The following HACD4 variants were observed in gnomAD, a reference collection of about 807,000 sequenced individuals.
HACD4 encodes 3-hydroxyacyl-CoA dehydratase 4.
A neutral mutation model predicts 33.3 loss-of-function variants in HACD4; 35 were observed. The ratio of observed to expected loss-of-function variants is 1.05; its 90% CI spans 0.80 to 1.39. The LOEUF (loss-of-function observed/expected upper bound fraction) is 1.39. HACD4 is among the 40% of genes most tolerant of loss of function. The probability of loss-of-function intolerance (pLI) is 0.00; values close to 1 mark genes in which losing one functional copy is unlikely to be tolerated. For synonymous variants in HACD4, 118 were observed against 98.0 expected, an observed-to-expected ratio of 1.20 and a Z score of -1.21; for missense variants, 323 against 276.5, an observed-to-expected ratio of 1.17 and a Z score of -1.19.
At chr9:21,026,996 C>A (rs546584406) in intron 2 of HACD4, among the ~76,000 whole-genome samples, 1 of 152,256 alleles carries the variant, frequency 6.6e-6, no homozygotes, top group East Asian at 1.9e-4. Context: ...GCATTTATTC[C>A]CCACTTATAA....
intron 3 of HACD4, 125 bp from the exon 4 acceptor site, chr9:21,016,135 G>A (rs1363486813): frequency 5.2e-6 from 3 of 576,334 alleles, no homozygotes; most frequent in Non-Finnish European, 9.2e-6. Flanking sequence ...ATACTAAACT[G>A]TTAACAATGC....
intron 3 of HACD4, among the ~76,000 whole-genome samples, chr9:21,020,757 T>A (rs1225797403): frequency 6.6e-6 from 1 of 152,220 alleles, no homozygotes; most frequent in African/African-American, 2.4e-5. Context: ...TATATGATTT[T>A]TATTGTCGTG....
intron 1 of HACD4, 38 bp from the exon 2 acceptor site, chr9:21,029,436 A>G (rs919594805): frequency 3.1e-6 from 4 of 1,277,618 alleles, no homozygotes; most frequent in Non-Finnish European, 4.5e-6. Flanking sequence ...CACTTCTTTT[A>G]TAATCATCCT....
At chr9:21,016,259 T>G (rs1312196825) in intron 3 of HACD4, among the ~76,000 whole-genome samples, 2 of 152,202 alleles carry the variant, frequency 1.3e-5, no homozygotes, top group East Asian at 3.9e-4. Flanking sequence ...AATCAGGATA[T>G]TTCCTTTCTT....
In HACD4 at chr9:21,002,838, C is replaced by G. The variant is rs1218443754; in HGVS notation, c.*4199G>C. 1.3e-5 allele frequency: 2 copies of G among 152,026 alleles called. No individual in the cohort carries two copies. The highest frequency in any genetic ancestry group is 2.9e-5 in the Non-Finnish European group (2 of 67,958). 9.4% of individuals were successfully genotyped at this position (152,026 alleles called of 1,614,324 possible). ...AAAGTAAGCCTTTGTCTACACTGTA[C>G]AAAATGAAATAGGGATTTGGTGAAC... On this transcript the variant is annotated 3_prime_UTR_variant, in exon 7 of 7. Transcript: ENST00000495827.
At chr9:21,011,487 G>A in intron 5 of HACD4, 102 bp downstream of exon 5, 2 of 730,208 alleles carry the variant, frequency 2.7e-6, no homozygotes, top group Non-Finnish European at 4.8e-6. Flanking sequence ...AGTGAGCTAA[G>A]CATTCGCAAA....
chr9:21,017,469 C>A (rs2132783790), intron 3 of HACD4, among the ~76,000 whole-genome samples: 1 of 152,228 alleles, frequency 6.6e-6, no homozygotes, highest in East Asian at 1.9e-4. Flanking sequence ...TTCTACTGAA[C>A]TGCAATTATA....
At chr9:21,031,414 A>T (rs1299345038) in intron 1 of HACD4, 139 bp downstream of exon 1, 1 of 1,306,836 alleles carries the variant, frequency 7.7e-7, no homozygotes, top group Non-Finnish European at 9.7e-7. Flanking sequence ...ATGAGCTCCA[A>T]GGGGTGCCTG....
intron 4 of HACD4, among the ~76,000 whole-genome samples, chr9:21,013,513 T>C (rs930421735): frequency 6.6e-6 from 1 of 152,220 alleles, no homozygotes; most frequent in Non-Finnish European, 1.5e-5. Flanking sequence ...ATATGAGTGT[T>C]AGGGTCAGCT....
At chr9:21,014,054 A>G (rs1456884673) in intron 4 of HACD4, among the ~76,000 whole-genome samples, 2 of 152,162 alleles carry the variant, frequency 1.3e-5, no homozygotes, top group Non-Finnish European at 2.9e-5. Context: ...ATCATTAACT[A>G]TCATGTTAGT....
Position 21,007,029 on chromosome 9 carries a change from G to A in HACD4, c.*8C>T. The A allele has an allele frequency of 6.8e-7, 1 of 1,481,128 alleles. No homozygotes were observed. Among genetic ancestry groups the A allele is most frequent in the South Asian group, 1.1e-5 (1 of 88,272 alleles). 91.7% of individuals were successfully genotyped at this position (1,481,128 alleles called of 1,614,324 possible). A position where few individuals can be genotyped will look rare whatever the true frequency, so the allele number is the denominator to read the frequency against. On this transcript the variant is annotated 3_prime_UTR_variant, in exon 7 of 7. Transcript: ENST00000495827. ...GTCTTTTCTCGTGTCACACTGGAAT[G>A]CTGTACTTCACATCTTCTTTTTTTT...
At position 21,004,488 on chromosome 9, in the gene HACD4, A is replaced by G. The variant is rs1009290221; in HGVS notation, c.*2549T>C. 6.6e-6 allele frequency: 1 copy of G among 152,170 alleles called. No homozygotes were observed. Among genetic ancestry groups the G allele is most frequent in the Admixed American group, 6.5e-5 (1 of 15,268 alleles). The allele number at this position is 152,170 out of a possible 1,614,324, so 9.4% of individuals were successfully genotyped here. On this transcript the variant is annotated 3_prime_UTR_variant, in exon 7 of 7. Coordinates refer to ENST00000495827, the MANE Select transcript of HACD4 (RefSeq NM_001010915.5). The surrounding 1 kb of genome is among the most constrained non-coding windows in gnomAD (Gnocchi z 4.6). The stretch of plus-strand genomic sequence containing the variant: ...TGAAGCTGGAACCTTCATAAATGGG[A>G]TTAGTACCTTTACAATAAGAAATAA...
intron 1 of HACD4, 34 bp downstream of exon 1, chr9:21,031,518 GC>G (rs1217923634): frequency 4.1e-6 from 6 of 1,455,352 alleles, no homozygotes; most frequent in African/African-American, 3.0e-5. Flanking sequence ...CTCCACCCGC[GC>G]CCCCTCCCCT....
chr9:21,015,585 G>A (rs376226157), intron 4 of HACD4: 77 of 202,852 alleles, frequency 3.8e-4, no homozygotes, highest in African/African-American at 1.4e-3. Flanking sequence ...TAAAGCAACC[G>A]TACTAAAGCA....
At chr9:21,018,575 C>G (rs1112165) in intron 3 of HACD4, among the ~76,000 whole-genome samples, 1 of 152,104 alleles carries the variant, frequency 6.6e-6, no homozygotes. Flanking sequence ...TCAGTCTTCT[C>G]TAATATGACC....
intron 3 of HACD4, 137 bp from the exon 4 acceptor site, chr9:21,016,147 T>TCC (rs1182939690): frequency 3.6e-6 from 2 of 556,004 alleles, no homozygotes; most frequent in Non-Finnish European, 3.2e-6. Flanking sequence ...TAACAATGCC[T>TCC]CCCTCTGAGA....
chr9:21,008,268 T>C (rs1423422641), intron 5 of HACD4, 122 bp from the exon 6 acceptor site: 6 of 852,310 alleles, frequency 7.0e-6, no homozygotes, highest in Non-Finnish European at 1.0e-5. Context: ...TAATAGTTGC[T>C]GAATCTTTTT....
At chr9:21,009,211 C>T (rs1246775242) in intron 5 of HACD4, among the ~76,000 whole-genome samples, 2 of 152,128 alleles carry the variant, frequency 1.3e-5, no homozygotes, top group African/African-American at 4.8e-5. Flanking sequence ...TACTTTGGGA[C>T]ATCTAACATA....
intron 1 of HACD4, among the ~76,000 whole-genome samples, chr9:21,030,667 G>T (rs917311827): frequency 3.9e-5 from 6 of 152,188 alleles, no homozygotes; most frequent in Non-Finnish European, 5.9e-5. Flanking sequence ...TGTGATTGAG[G>T]TTAGTATTAA....
Sources: allele counts gnomAD v4.1 joint callset (sites outside exome capture counted in the v4.1 genomes callset), GRCh38; gene constraint gnomAD v4.1.1; non-coding constraint Gnocchi (gnomAD v3.1); transcripts MANE v1.5; gene names NCBI Gene and HGNC (gene_info 2026-07-23, HGNC 2026-07-21).